Variants in SVEP1 observed in about 807,000 individuals in gnomAD.
SVEP1 encodes sushi, von Willebrand factor type A, EGF and pentraxin domain-containing protein 1.
A neutral mutation model predicts 367.3 loss-of-function variants in SVEP1; 164 were observed. The ratio of observed to expected loss-of-function variants is 0.45; its 90% CI spans 0.39 to 0.51. The LOEUF is 0.51. SVEP1 is among the 20% of genes least tolerant of loss of function. The pLI is 0.00. For synonymous variants in SVEP1, 1,666 were observed against 1,611.6 expected, an observed-to-expected ratio of 1.03 and a Z score of -0.81; for missense variants, 4,117 against 4,425.3, an observed-to-expected ratio of 0.93 and a Z score of 1.98.
At chr9:110,573,168 C>T (rs1291268708) in intron 1 of SVEP1, among the ~76,000 whole-genome samples, 1 of 149,004 alleles carries the variant, frequency 6.7e-6, no homozygotes, top group African/African-American at 2.5e-5. Context: ...ATAAGTACCC[C>T]CACCCCTTCC....
At chr9:110,507,879 T>G (rs1011554076) in intron 5 of SVEP1, among the ~76,000 whole-genome samples, 1 of 152,194 alleles carries the variant, frequency 6.6e-6, no homozygotes, top group Non-Finnish European at 1.5e-5. Flanking sequence ...TTTCCTAACC[T>G]GAGACAAAAT....
chr9:110,379,463 T>G lies in SVEP1; in HGVS notation c.10292A>C (p.His3431Pro). Residue 3431 changes from histidine to proline, a missense_variant, in exon 44 of 48, where the codon CAT (histidine) becomes CCT (proline). His to Pro is a moderately conservative substitution (Grantham distance 77). Transcript: ENST00000374469. ...GGTGATCATGTCTCCATATTGATAATGTACGCCTCGAGCAATTGCATTTTC... is the reference window on the plus strand; with the variant it reads ...GGTGATCATGTCTCCATATTGATAAGGTACGCCTCGAGCAATTGCATTTTC... ...HVENAIARGV[H>P]YQYGDMITYS... is the part of the protein sequence containing the mutation. 1 of 1,613,852 alleles carries G rather than the reference T, an allele frequency of 6.2e-7. No individual in the cohort carries two copies. Among genetic ancestry groups the G allele is most frequent in the East Asian group, 2.2e-5 (1 of 44,858 alleles).
rs1197549107 is a variant in SVEP1, at chr9:110,404,422, G to A, written c.9571C>T (p.Leu3191Phe). Reference protein sequence around the residue: ...CPLPENITHILVHGDDFSVNR... With the variant: ...CPLPENITHIFVHGDDFSVNR... ...ACACTGAAATCGTCCCCATGTACAAGTATATGTGTTATGTTTTCCGGGAGA... is the reference window on the plus strand; with the variant it reads ...ACACTGAAATCGTCCCCATGTACAAATATATGTGTTATGTTTTCCGGGAGA... Residue 3191 changes from leucine to phenylalanine, a missense_variant, in exon 39 of 48, where the codon CTT (leucine) becomes TTT (phenylalanine). This residue lies in a region of SVEP1 where 1,765 missense variants were observed against 1,781.1 expected (regional missense o/e 0.99). Coordinates refer to ENST00000374469, the MANE Select transcript of SVEP1 (RefSeq NM_153366.4). 8 of 1,613,856 alleles carry A rather than the reference G, an allele frequency of 5.0e-6. No individual in the cohort carries two copies. The highest frequency in any genetic ancestry group is 6.8e-6 in the Non-Finnish European group (8 of 1,179,894).
intron 40 of SVEP1, among the ~76,000 whole-genome samples, chr9:110,400,621 C>T (rs1827843851): frequency 1.3e-5 from 2 of 152,168 alleles, no homozygotes; most frequent in Admixed American, 1.3e-4. Context: ...CCCACCTCGG[C>T]CTCCCAAAGT....
intron 30 of SVEP1, among the ~76,000 whole-genome samples, chr9:110,433,254 C>A (rs1405764535): frequency 6.7e-6 from 1 of 149,206 alleles, no homozygotes; most frequent in African/African-American, 2.5e-5. Flanking sequence ...TATAGCAATG[C>A]AAAATGGCCT....
At chr9:110,477,663 C>T (rs1031489816) in intron 13 of SVEP1, among the ~76,000 whole-genome samples, 3 of 152,096 alleles carry the variant, frequency 2.0e-5, no homozygotes, top group African/African-American at 7.2e-5. Flanking sequence ...TACCCAGTAC[C>T]TGGACCTATG....
At chr9:110,540,482 T>C (rs1358278645) in intron 3 of SVEP1, among the ~76,000 whole-genome samples, 1 of 152,138 alleles carries the variant, frequency 6.6e-6, no homozygotes, top group Non-Finnish European at 1.5e-5. Context: ...ACCAATGCTT[T>C]TGTAAAACAT....
Position 110,579,246 on chromosome 9 carries a change from G to GGAA in SVEP1, c.295_297dup (p.Phe99dup). 1 of 1,570,644 alleles carries GGAA rather than the reference G, an allele frequency of 6.4e-7. No homozygotes were observed. The highest frequency in any genetic ancestry group is 1.2e-5 in the South Asian group (1 of 85,394). The stretch of plus-strand genomic sequence containing the variant: ...TTGCGGACGAACATGAGCTCGCTGC[G>GGAA]GAAGTTGACTTCGCCCACGCTGGAC... On this transcript the variant is annotated inframe_insertion, in exon 1 of 48. Coordinates refer to ENST00000374469, the MANE Select transcript of SVEP1 (RefSeq NM_153366.4). This position sits in a 1 kb window ranked among gnomAD's most constrained non-coding sequence, Gnocchi z 5.3.
intron 40 of SVEP1, among the ~76,000 whole-genome samples, chr9:110,390,835 A>G (rs556927162): frequency 1.5e-4 from 23 of 152,252 alleles, no homozygotes; most frequent in African/African-American, 4.3e-4. Flanking sequence ...AAATTCAAAC[A>G]TATGAGAAAT....
intron 1 of SVEP1, among the ~76,000 whole-genome samples, chr9:110,568,614 G>A (rs1249750411): frequency 6.6e-6 from 1 of 151,974 alleles, no homozygotes; most frequent in Admixed American, 6.6e-5. Context: ...GAAAATGCTT[G>A]GTGAAAGTTC....
At chr9:110,453,997 T>C (rs1319541463) in intron 22 of SVEP1, among the ~76,000 whole-genome samples, 4 of 151,938 alleles carry the variant, frequency 2.6e-5, no homozygotes, top group African/African-American at 9.7e-5. Context: ...TGTTGGTTGC[T>C]TATGTGTCTT....
chr9:110,542,211 C>G (rs1830160131), intron 3 of SVEP1, among the ~76,000 whole-genome samples: 1 of 152,028 alleles, frequency 6.6e-6, no homozygotes, highest in Non-Finnish European at 1.5e-5. Context: ...AGTGTGATAT[C>G]TTGGAAATAA....
rs1196759480 is a variant in SVEP1 at position 110,549,995 on chromosome 9, G to A, written c.641C>T (p.Ser214Leu). 4 of 1,613,880 alleles carry A rather than the reference G, an allele frequency of 2.5e-6. No individual in the cohort carries two copies. The highest frequency in any genetic ancestry group is 1.3e-5 in the African/African-American group (1 of 74,922). Residue 214 changes from serine (S) to leucine (L), a missense_variant, in exon 2 of 48, where the codon TCA becomes TTA. Physicochemically the swap from Ser to Leu is moderately radical, Grantham distance 145. This residue lies in a region of SVEP1 where 2,174 missense variants were observed against 2,494.3 expected (regional missense o/e 0.87). Transcript: ENST00000374469. Reference sequence around the variant, plus strand: ...GCCAAAAGTGAAGATCTCCACTCCTGAATCTCGCAGTGACGCTGCAATTGG... The same window carrying A: ...GCCAAAAGTGAAGATCTCCACTCCTAAATCTCGCAGTGACGCTGCAATTGG... ...PRPIAASLRD[S>L]GVEIFTFGIW...
chr9:110,374,793 AACTACCATTCAACCCAAGCAATCCCATT>A (rs1471528601), intron 46 of SVEP1, among the ~76,000 whole-genome samples: 1 of 152,226 alleles, frequency 6.6e-6, no homozygotes, highest in Non-Finnish European at 1.5e-5. Context: ...CTAAAAACAG[AACTACCATTCAACCCAAGCAATCCCATT>A]ACTGGGTATA....
chr9:110,385,024 C>T (rs1827499211), intron 43 of SVEP1, among the ~76,000 whole-genome samples: 2 of 152,208 alleles, frequency 1.3e-5, no homozygotes, highest in African/African-American at 2.4e-5. Flanking sequence ...GTCTCCCAGG[C>T]TGGAGTGCAG....
At chr9:110,566,203 T>C (rs1156980124) in intron 1 of SVEP1, among the ~76,000 whole-genome samples, 1 of 151,648 alleles carries the variant, frequency 6.6e-6, no homozygotes, top group Non-Finnish European at 1.5e-5. Context: ...ACACCTGTAT[T>C]CCCAGCTATT....
intron 40 of SVEP1, among the ~76,000 whole-genome samples, chr9:110,392,299 G>T (rs1273972851): frequency 6.6e-6 from 1 of 151,828 alleles, no homozygotes; most frequent in African/African-American, 2.4e-5. Flanking sequence ...CTGAAAAACT[G>T]GGTCATTGGT....
At chr9:110,437,284 G>C (rs1355087458) in intron 27 of SVEP1, among the ~76,000 whole-genome samples, 1 of 152,134 alleles carries the variant, frequency 6.6e-6, no homozygotes, top group Non-Finnish European at 1.5e-5. Flanking sequence ...GAGATCAGAG[G>C]ATTCTCTCCA....
At chr9:110,473,280 C>T (rs1829048248) in intron 14 of SVEP1, among the ~76,000 whole-genome samples, 1 of 152,030 alleles carries the variant, frequency 6.6e-6, no homozygotes, top group Non-Finnish European at 1.5e-5. Flanking sequence ...TCTCCACAAG[C>T]ATTAAGTAGC....
Sources: allele counts gnomAD v4.1 joint callset (sites outside exome capture counted in the v4.1 genomes callset), GRCh38; gene constraint gnomAD v4.1.1; regional missense constraint gnomAD v4.1.1; non-coding constraint Gnocchi (gnomAD v3.1); transcripts MANE v1.5; gene names NCBI Gene and HGNC (gene_info 2026-07-23, HGNC 2026-07-21).